Variants in EPN2 observed in about 807,000 individuals in gnomAD.
EPN2 encodes the protein epsin-2.
In EPN2, 34 loss-of-function variants were observed where a neutral mutation model predicts 61.7. The ratio of observed to expected loss-of-function variants is 0.55; its 90% CI spans 0.42 to 0.73. The LOEUF is 0.73. Among genes scored for constraint, EPN2 ranks in the 30% least tolerant of loss-of-function variants. EPN2 has a pLI of 0.00. For missense variants in EPN2, 714 were observed against 839.2 expected, an observed-to-expected ratio of 0.85 and a Z score of 1.84; for synonymous variants, 349 against 353.6, an observed-to-expected ratio of 0.99 and a Z score of 0.15.
chr17:19,334,560 A>G lies in EPN2; in HGVS notation c.*306A>G. 1 of 246,312 alleles carries G rather than the reference A, an allele frequency of 4.1e-6. No homozygotes were observed. The highest frequency in any genetic ancestry group is 7.7e-6 in the Non-Finnish European group (1 of 129,402). 15.3% of individuals were successfully genotyped at this position (246,312 alleles called of 1,614,324 possible). ...TGCCCTTGCCCCTAACCTCAGCCCGAGGGTCTCCAGGATGTTGCCTGGCCC... is the reference window on the plus strand; with the variant it reads ...TGCCCTTGCCCCTAACCTCAGCCCGGGGGTCTCCAGGATGTTGCCTGGCCC... On this transcript the variant is annotated 3_prime_UTR_variant, in exon 11 of 11. Coordinates refer to ENST00000314728, the MANE Select transcript of EPN2 (RefSeq NM_014964.5). This position sits in a 1 kb window ranked among gnomAD's most constrained non-coding sequence, Gnocchi z 4.9.
intron 7 of EPN2, among the ~76,000 whole-genome samples, chr17:19,325,059 T>TA (rs1906805778): frequency 1.3e-5 from 2 of 152,134 alleles, no homozygotes; most frequent in South Asian, 4.1e-4. Flanking sequence ...TGAAGAATAA[T>TA]AAAAAACCTA....
At chr17:19,307,996 C>G (rs1905933196) in intron 4 of EPN2, 8 of 985,144 alleles carry the variant, frequency 8.1e-6, no homozygotes, top group Non-Finnish European at 9.6e-6. Flanking sequence ...GAAGCAACAC[C>G]TAGGTGAATG....
At position 19,335,377 on chromosome 17, in the gene EPN2, A is replaced by G; in HGVS notation, c.*1123A>G. 6.5e-7 allele frequency: 1 copy of G among 1,546,102 alleles called. No individual in the cohort carries two copies. Among genetic ancestry groups the G allele is most frequent in the Non-Finnish European group, 8.7e-7 (1 of 1,144,404 alleles). The stretch of plus-strand genomic sequence containing the variant: ...GTATGAATGTGACTCACCAATTTTT[A>G]TCAACTAATTCCTTTTTTTTATTAA... On this transcript the variant is annotated 3_prime_UTR_variant, in exon 11 of 11. Transcript: ENST00000314728.
intron 1 of EPN2, among the ~76,000 whole-genome samples, chr17:19,269,829 G>A (rs1446176342): frequency 6.6e-6 from 1 of 152,120 alleles, no homozygotes; most frequent in African/African-American, 2.4e-5. Context: ...ACTGGGGAAA[G>A]GATCCATTAT....
intron 4 of EPN2, chr17:19,308,646 C>G: frequency 1.0e-6 from 1 of 985,304 alleles, no homozygotes; most frequent in African/African-American, 1.7e-5. Context: ...CACGGAGACC[C>G]GGGAGGAGGA....
chr17:19,293,559 T>C (rs1021169160), intron 4 of EPN2, among the ~76,000 whole-genome samples: 2 of 83,878 alleles, frequency 2.4e-5, no homozygotes, highest in African/African-American at 4.7e-5. Context: ...TTTTTTTTTT[T>C]ACTTTCTGTA....
At chr17:19,260,564 G>A (rs1281672266) in intron 1 of EPN2, among the ~76,000 whole-genome samples, 1 of 151,988 alleles carries the variant, frequency 6.6e-6, no homozygotes, top group Non-Finnish European at 1.5e-5. Context: ...TGGCATCTGA[G>A]ACCTGTTGGC....
chr17:19,252,858 T>G (rs1251470764), intron 1 of EPN2, among the ~76,000 whole-genome samples: 14 of 151,966 alleles, frequency 9.2e-5, no homozygotes, highest in African/African-American at 7.3e-5. Flanking sequence ...GCCGGCAAAT[T>G]TTTTGTATTT....
At position 19,285,268 on chromosome 17, in the gene EPN2, A is replaced by G. The variant is rs1250477367; in HGVS notation, c.596-352A>G. On this transcript the variant is annotated intron_variant, in intron 3 of 10. Transcript: ENST00000314728. This position sits in a 1 kb window ranked among gnomAD's most constrained non-coding sequence, Gnocchi z 4.5. ...AGGAGCTGAAACAGCTTCATGTTCC[A>G]TGAACAATTTGTGGAACTTTGCAGA... Among the ~76,000 whole-genome samples, 1 of 152,234 alleles carries G rather than the reference A, an allele frequency of 6.6e-6. No individual in the cohort carries two copies. The highest frequency in any genetic ancestry group is 1.5e-5 in the Non-Finnish European group (1 of 68,040).
At chr17:19,264,680 A>G (rs1406982790) in intron 1 of EPN2, among the ~76,000 whole-genome samples, 1 of 152,144 alleles carries the variant, frequency 6.6e-6, no homozygotes, top group Non-Finnish European at 1.5e-5. Context: ...GTGGTTTGGT[A>G]AGGGTGTAGA....
intron 1 of EPN2, among the ~76,000 whole-genome samples, chr17:19,253,036 G>A (rs1402114565): frequency 6.6e-6 from 1 of 152,134 alleles, no homozygotes; most frequent in Non-Finnish European, 1.5e-5. Flanking sequence ...CAATTCTGTG[G>A]CATGTGGTAC....
intron 1 of EPN2, among the ~76,000 whole-genome samples, chr17:19,250,278 T>C (rs1457352711): frequency 6.6e-6 from 1 of 151,974 alleles, no homozygotes; most frequent in East Asian, 1.9e-4. Context: ...TATTTTTTAA[T>C]AGAGATAGGG....
intron 1 of EPN2, among the ~76,000 whole-genome samples, chr17:19,257,486 A>G (rs771094319): frequency 1.1e-4 from 17 of 151,842 alleles, no homozygotes; most frequent in Non-Finnish European, 1.8e-4. Flanking sequence ...TCTGTAATCA[A>G]TGTTAATATT....
chr17:19,263,176 C>T (rs1167406540), intron 1 of EPN2, among the ~76,000 whole-genome samples: 1 of 152,186 alleles, frequency 6.6e-6, no homozygotes, highest in Admixed American at 6.5e-5. Flanking sequence ...GAGAGTGACA[C>T]ACATCATTTC....
intron 1 of EPN2, among the ~76,000 whole-genome samples, chr17:19,269,013 C>A (rs776902123): frequency 2.6e-5 from 4 of 152,144 alleles, no homozygotes; most frequent in Non-Finnish European, 5.9e-5. Flanking sequence ...GTGAGGGGAG[C>A]CAGGTGGCTG....
intron 1 of EPN2, among the ~76,000 whole-genome samples, chr17:19,265,499 G>T (rs1410341968): frequency 6.6e-6 from 1 of 152,180 alleles, no homozygotes; most frequent in Non-Finnish European, 1.5e-5. Flanking sequence ...CTCTGCATGG[G>T]GCAGAAAGGC....
chr17:19,286,167 T>C (rs1324248852), intron 4 of EPN2, among the ~76,000 whole-genome samples: 1 of 152,182 alleles, frequency 6.6e-6, no homozygotes, highest in Non-Finnish European at 1.5e-5. Flanking sequence ...GGACCGGAAA[T>C]GTGTGATTTA....
At chr17:19,256,212 C>T (rs1443551818) in intron 1 of EPN2, among the ~76,000 whole-genome samples, 3 of 152,080 alleles carry the variant, frequency 2.0e-5, no homozygotes, top group Non-Finnish European at 1.5e-5. Context: ...GCTGGGATTA[C>T]AGGCATGAGC....
intron 1 of EPN2, among the ~76,000 whole-genome samples, chr17:19,276,754 A>T (rs1459267992): frequency 1.4e-5 from 2 of 142,228 alleles, no homozygotes; most frequent in African/African-American, 5.8e-5. Context: ...AATTGTCAGT[A>T]TGTAATTTAT....
Sources: gnomAD v4.1 joint callset for allele counts (sites outside exome capture counted in the v4.1 genomes callset) on GRCh38, gnomAD v4.1.1 for gene constraint, Gnocchi (gnomAD v3.1) non-coding constraint, MANE v1.5 for transcripts, NCBI Gene and HGNC (gene_info 2026-07-23, HGNC 2026-07-21) for gene names.